The following EPM2A variants were observed in gnomAD, a reference collection of about 807,000 sequenced individuals.
EPM2A encodes the protein EPM2A glucan phosphatase, laforin.
Under a neutral mutation model 26.5 loss-of-function variants are expected in EPM2A, and 21 were observed. The observed-to-expected ratio is 0.79, with a 90% CI of 0.56 to 1.14. The LOEUF (loss-of-function observed/expected upper bound fraction) is 1.14, where lower values mean the gene tolerates loss of function less well. EPM2A is among the 50% of genes most tolerant of loss of function. EPM2A has a pLI of 0.00. For missense variants in EPM2A, 458 were observed against 440.8 expected (o/e 1.04, Z -0.35); for synonymous variants, 217 against 177.6 (o/e 1.22, Z -1.76).
At chr6:145,634,110 A>G (rs919388172) in intron 3 of EPM2A, among the ~76,000 whole-genome samples, 4 of 152,150 alleles carry the variant, frequency 2.6e-5, no homozygotes, top group Non-Finnish European at 5.9e-5. Context: ...TCTGAGCTGG[A>G]TATCACTGTC....
In EPM2A at chr6:145,627,208, G is replaced by T. The variant is rs185870274; in HGVS notation, c.*208C>A. 205 of 1,447,330 alleles carry T rather than the reference G, an allele frequency of 1.4e-4. 1 individual carries two copies. The East Asian group carries it at 4.6e-3, about 32-fold the overall frequency. The allele number at this position is 1,447,330 out of a possible 1,614,324, so 89.7% of individuals were successfully genotyped here. A position where few individuals can be genotyped will look rare whatever the true frequency, so the allele number is the denominator to read the frequency against. Reference sequence around the variant, plus strand: ...AACTGCTTCGTGCTTCTTCTCATGTGTTGAGCCACAGCTTTCTTGTAGAGT... The same window carrying T: ...AACTGCTTCGTGCTTCTTCTCATGTTTTGAGCCACAGCTTTCTTGTAGAGT... On this transcript the variant is annotated 3_prime_UTR_variant, in exon 4 of 4. Coordinates refer to ENST00000367519, the MANE Select transcript of EPM2A (RefSeq NM_005670.4).
intron 4 of EPM2A, among the ~76,000 whole-genome samples, chr6:145,452,951 T>C (rs958896640): frequency 2.0e-5 from 3 of 152,182 alleles, no homozygotes; most frequent in Non-Finnish European, 4.4e-5. Flanking sequence ...CTCTCTTAAT[T>C]GCAATGACAT....
rs148027331 is a variant in EPM2A at position 145,643,689 on chromosome 6, A to G, written c.477-8203T>C. Among the ~76,000 whole-genome samples the G allele has an allele frequency of 1.8e-3, 270 of 152,306 alleles. 3 individuals are homozygous for G. Among genetic ancestry groups the G allele is most frequent in the African/African-American group, 6.2e-3 (257 of 41,560 alleles). ...AAAACAAAAATGAATTTAGAAAACA[A>G]GACAGTTGGAAAATGAAAATATCAT... On this transcript the variant is annotated intron_variant, in intron 2 of 3. Coordinates refer to ENST00000367519, the MANE Select transcript of EPM2A (RefSeq NM_005670.4).
chr6:145,609,395 G>T (rs1379950012), intron 2 of EPM2A, among the ~76,000 whole-genome samples: 1 of 152,126 alleles, frequency 6.6e-6, no homozygotes, highest in Admixed American at 6.5e-5. Flanking sequence ...AAACTTTAAC[G>T]TGTTCACAAA....
rs570990909 is a variant in EPM2A at position 145,703,728 on chromosome 6, A to G, written c.302-17432T>C. ...CCATTACTTACCTCAAAACCTTAAT[A>G]TCAACAAAAGTCAGCAAGGAATTAT... On this transcript the variant is annotated intron_variant, in intron 1 of 3. Transcript: ENST00000367519. Among the ~76,000 whole-genome samples the G allele has an allele frequency of 2.0e-5, 3 of 152,314 alleles. No individual in the cohort carries two copies. In the East Asian group the frequency reaches 5.8e-4, roughly 29 times the overall value.
intron 2 of EPM2A, among the ~76,000 whole-genome samples, chr6:145,650,294 T>G (rs768928190): frequency 2.6e-5 from 4 of 152,144 alleles, no homozygotes; most frequent in Non-Finnish European, 4.4e-5. Flanking sequence ...CTCACACCTA[T>G]AATCCCAGCA....
intron 2 of EPM2A, among the ~76,000 whole-genome samples, chr6:145,611,484 C>G (rs1775390677): frequency 6.6e-6 from 1 of 151,842 alleles, no homozygotes; most frequent in Non-Finnish European, 1.5e-5. Context: ...TCAAAAATTT[C>G]CTGTGTTTAT....
chr6:145,410,422 C>T (rs1282292407), intron 4 of EPM2A, among the ~76,000 whole-genome samples: 3 of 152,120 alleles, frequency 2.0e-5, no homozygotes, highest in Non-Finnish European at 4.4e-5. Flanking sequence ...AGAGTTTAAT[C>T]CTTCGAGGCA....
At chr6:145,512,002 C>T (rs1281356426) in intron 2 of EPM2A, among the ~76,000 whole-genome samples, 4 of 152,052 alleles carry the variant, frequency 2.6e-5, no homozygotes, top group Admixed American at 6.6e-5. Context: ...GAACATAATG[C>T]CATTTACAAC....
chr6:145,663,964 T>C lies in EPM2A; in HGVS notation c.476+22158A>G, dbSNP rs1287926245. The stretch of plus-strand genomic sequence containing the variant: ...AAATACTTTACAGACAAGCAAATGC[T>C]GACAGATTTTGTCACCACCAAGCCT... On this transcript the variant is annotated intron_variant, in intron 2 of 3. Coordinates refer to ENST00000367519, the MANE Select transcript of EPM2A (RefSeq NM_005670.4). Among the ~76,000 whole-genome samples the C allele has an allele frequency of 4.9e-5, 4 of 82,264 alleles. 2 individuals are homozygous for C. The highest frequency in any genetic ancestry group is 1.2e-4 in the African/African-American group (2 of 16,876). The allele number at this position is 82,264 out of a possible 152,430, so 54.0% of individuals were successfully genotyped here.
At chr6:145,668,495 G>C (rs1306147366) in intron 2 of EPM2A, among the ~76,000 whole-genome samples, 5 of 152,088 alleles carry the variant, frequency 3.3e-5, no homozygotes, top group Non-Finnish European at 7.4e-5. Context: ...AATGAAAATA[G>C]GCACGATTTT....
chr6:145,616,981 T>G (rs1328522631), intron 2 of EPM2A, among the ~76,000 whole-genome samples: 2 of 152,036 alleles, frequency 1.3e-5, no homozygotes, highest in Non-Finnish European at 2.9e-5. Flanking sequence ...CTGAAATGAG[T>G]TGAGACTTTG....
rs573738026 is a variant in EPM2A, at chr6:145,633,477, G to T, written c.718+1768C>A. On this transcript the variant is annotated intron_variant, in intron 3 of 3. Coordinates refer to ENST00000367519, the MANE Select transcript of EPM2A (RefSeq NM_005670.4). ...GCTAAATCATGCTTCCTTAGGTCAG[G>T]TTACCAAGAGGAATAACCAGACTGT... 9.2e-5 allele frequency among the ~76,000 whole-genome samples: 14 copies of T among 152,230 alleles called. No individual in the cohort carries two copies. The East Asian group carries it at 1.9e-3, about 21-fold the overall frequency.
intron 2 of EPM2A, among the ~76,000 whole-genome samples, chr6:145,620,104 T>C (rs138878216): frequency 2.4e-4 from 37 of 152,280 alleles, no homozygotes; most frequent in African/African-American, 7.5e-4. Flanking sequence ...ATCTCTGAAA[T>C]TGTTTAGACC....
chr6:145,691,350 T>C (rs1276506110), intron 1 of EPM2A, among the ~76,000 whole-genome samples: 1 of 152,062 alleles, frequency 6.6e-6, no homozygotes, highest in Non-Finnish European at 1.5e-5. Flanking sequence ...TCAAGTGCTG[T>C]AAAAAAGAAC....
At chr6:145,726,718 C>G (rs1329281487) in intron 1 of EPM2A, among the ~76,000 whole-genome samples, 1 of 151,988 alleles carries the variant, frequency 6.6e-6, no homozygotes, top group Non-Finnish European at 1.5e-5. Context: ...TGCAAAATAC[C>G]TGATGAATAC....
At chr6:145,424,963 T>C (rs1778833445) in intron 4 of EPM2A, among the ~76,000 whole-genome samples, 1 of 127,026 alleles carries the variant, frequency 7.9e-6, no homozygotes, top group Non-Finnish European at 1.7e-5. Context: ...ATATTAGATA[T>C]ATAGACATAG....
rs180966270 is a variant in EPM2A at position 145,596,029 on chromosome 6, T to C, written c.340+39216A>G. On this transcript the variant is annotated intron_variant, in intron 2 of 3. Coordinates refer to the EPM2A transcript ENST00000450221. ...ATGTTAACCCAAAACAGTAAAATCATTGGAAATTTAAAAGTCCTAAACAAC... is the reference window on the plus strand; with the variant it reads ...ATGTTAACCCAAAACAGTAAAATCACTGGAAATTTAAAAGTCCTAAACAAC... Among the ~76,000 whole-genome samples, 32 of 152,300 alleles carry C rather than the reference T, an allele frequency of 2.1e-4. 1 individual carries two copies. The highest frequency in any genetic ancestry group is 1.9e-3 in the Admixed American group (29 of 15,310).
chr6:145,402,303 A>G (rs1181097363), intron 4 of EPM2A, among the ~76,000 whole-genome samples: 1 of 152,132 alleles, frequency 6.6e-6, no homozygotes, highest in Non-Finnish European at 1.5e-5. Context: ...TCTAATTATG[A>G]AGACACTTCA....
Sources: allele counts gnomAD v4.1 joint callset (sites outside exome capture counted in the v4.1 genomes callset), GRCh38; gene constraint gnomAD v4.1.1; transcripts MANE v1.5; gene names NCBI Gene and HGNC (gene_info 2026-07-23, HGNC 2026-07-21).